IFT74: variants seen among roughly 807,000 people sequenced by gnomAD.
The protein encoded by IFT74 is intraflagellar transport protein 74 homolog.
Under a neutral mutation model 96.7 loss-of-function variants are expected in IFT74, and 92 were observed. The observed-to-expected ratio is 0.95, with a 90% confidence interval of 0.80 to 1.13. The LOEUF is 1.13. Ranked by LOEUF, IFT74 falls within the 50% of genes most tolerant of loss-of-function variation. The pLI is 0.00. For missense variants in IFT74, 811 were observed against 698.2 expected (o/e 1.16, Z -1.82); for synonymous variants, 223 against 213.2 (o/e 1.05, Z -0.40).
chr9:27,053,232 T>C (rs1030305137), intron 16 of IFT74, among the ~76,000 whole-genome samples: 1 of 144,644 alleles, frequency 6.9e-6, no homozygotes, highest in African/African-American at 2.6e-5. Flanking sequence ...AAAACTTAGA[T>C]ATTATAATGG....
chr9:27,063,861 G>A lies in IFT74; in HGVS notation c.*1125G>A, dbSNP rs1820528901. Among the ~76,000 whole-genome samples the A allele has an allele frequency of 6.6e-6, 1 of 151,938 alleles. No individual in the cohort carries two copies. Among genetic ancestry groups the A allele is most frequent in the African/African-American group, 2.4e-5 (1 of 41,400 alleles). The stretch of plus-strand genomic sequence containing the variant: ...AGCATTGTTGAGTTTGCTGAACTCT[G>A]GATTACTAATATGGCTGAAGATCCT... On this transcript the variant is annotated 3_prime_UTR_variant, in exon 20 of 20. Coordinates refer to ENST00000380062, the MANE Select transcript of IFT74 (RefSeq NM_025103.4).
intron 12 of IFT74, among the ~76,000 whole-genome samples, chr9:27,020,308 C>T (rs1303612265): frequency 1.3e-5 from 2 of 152,036 alleles, no homozygotes; most frequent in Non-Finnish European, 2.9e-5. Context: ...TGAATTGCAG[C>T]CCGTGTCAAG....
At chr9:27,003,464 A>C (rs1160603401) in intron 8 of IFT74, among the ~76,000 whole-genome samples, 1 of 152,114 alleles carries the variant, frequency 6.6e-6, no homozygotes, top group Non-Finnish European at 1.5e-5. Context: ...CAGAAGTTGC[A>C]GTGAGCCGTG....
At chr9:27,019,410 C>T (rs1829495945) in intron 12 of IFT74, among the ~76,000 whole-genome samples, 1 of 151,974 alleles carries the variant, frequency 6.6e-6, no homozygotes, top group Non-Finnish European at 1.5e-5. Context: ...TGTCAGGATG[C>T]TTTCACTTAG....
chr9:26,987,756 T>C (rs1827698900), intron 6 of IFT74, among the ~76,000 whole-genome samples: 2 of 152,216 alleles, frequency 1.3e-5, no homozygotes, highest in Non-Finnish European at 2.9e-5. Context: ...ATTGTAAAAA[T>C]TGAGTTAACA....
chr9:27,002,186 C>A (rs1173113871), intron 8 of IFT74, among the ~76,000 whole-genome samples: 2 of 152,154 alleles, frequency 1.3e-5, no homozygotes, highest in Admixed American at 6.5e-5. Context: ...GGCTGGAGTG[C>A]AGTGATGCCA....
intron 1 of IFT74, among the ~76,000 whole-genome samples, chr9:26,959,139 C>T (rs10967622): frequency 0.1 from 15,487 of 151,308 alleles, 1,800 homozygotes; most frequent in East Asian, 0.65. Flanking sequence ...GACGGAGTCT[C>T]GCTCTGTCGC....
intron 13 of IFT74, among the ~76,000 whole-genome samples, chr9:27,041,543 C>A (rs1055171609): frequency 5.3e-5 from 8 of 152,084 alleles, no homozygotes; most frequent in African/African-American, 1.7e-4. Context: ...TCCAAAATTA[C>A]CTTCCTTTTA....
Position 27,026,899 on chromosome 9 carries a change from G to A in IFT74, c.975-2126G>A, listed in dbSNP as rs192443422. 1.9e-4 allele frequency among the ~76,000 whole-genome samples: 29 copies of A among 152,022 alleles called. No homozygotes were observed. In the East Asian group the frequency reaches 4.8e-3, roughly 25 times the overall value. ...AAAGAACACAAATAGACAATCTAAC[G>A]TTACACCTCAAGGAACTAGAGCAAC... On this transcript the variant is annotated intron_variant, in intron 12 of 19. Coordinates refer to ENST00000380062, the MANE Select transcript of IFT74 (RefSeq NM_025103.4).
chr9:26,955,765 G>T (rs530394805), upstream of IFT74: 2 of 149,712 alleles, frequency 1.3e-5, no homozygotes, highest in East Asian at 4.1e-4. Flanking sequence ...TATCAATGAA[G>T]ATTGGAAGGA....
intron 2 of IFT74, among the ~76,000 whole-genome samples, chr9:26,963,771 C>T (rs550358278): frequency 2.6e-5 from 4 of 152,262 alleles, no homozygotes; most frequent in South Asian, 2.1e-4. Flanking sequence ...TGGGAAGTGT[C>T]GGTTGATGTC....
At chr9:26,960,436 A>G (rs767199574) in intron 1 of IFT74, among the ~76,000 whole-genome samples, 1 of 152,232 alleles carries the variant, frequency 6.6e-6, no homozygotes, top group African/African-American at 2.4e-5. Flanking sequence ...AATATAGCTG[A>G]AACAAAAATT....
At chr9:27,021,360 C>T (rs1046429159) in intron 12 of IFT74, among the ~76,000 whole-genome samples, 2 of 152,028 alleles carry the variant, frequency 1.3e-5, no homozygotes, top group Non-Finnish European at 1.5e-5. Flanking sequence ...GTAGTGGGAT[C>T]GCTAGATCAA....
At chr9:26,966,198 G>A (rs1826604749) in intron 2 of IFT74, among the ~76,000 whole-genome samples, 1 of 151,870 alleles carries the variant, frequency 6.6e-6, no homozygotes, top group African/African-American at 2.4e-5. Flanking sequence ...TTTGCAGTGG[G>A]ATTGCTGGAT....
chr9:27,000,519 G>A (rs1032530774), intron 8 of IFT74, among the ~76,000 whole-genome samples: 3 of 152,112 alleles, frequency 2.0e-5, no homozygotes, highest in Admixed American at 6.6e-5. Flanking sequence ...TTGAGGCGTG[G>A]TAGATATACA....
chr9:27,000,260 A>T (rs1184240226), intron 8 of IFT74, among the ~76,000 whole-genome samples: 1 of 152,194 alleles, frequency 6.6e-6, no homozygotes, highest in Non-Finnish European at 1.5e-5. Flanking sequence ...TCTAGATCTC[A>T]TGAAAGGAGC....
In IFT74 at chr9:27,056,358, T is replaced by C. The variant is rs1158185973; in HGVS notation, c.1522T>C (p.Leu508=). 8.8e-6 allele frequency: 14 copies of C among 1,589,536 alleles called. No individual in the cohort carries two copies. Among genetic ancestry groups the C allele is most frequent in the East Asian group, 2.3e-5 (1 of 44,210 alleles). ...GAAATTACATCAGGAGAGAATGATA[T>C]TATCAACCCACAGAAATGCCTTTAA... ...IKKLHQERMI[L]STHRNAFKKI... Residue 508 remains leucine (L), a synonymous_variant, in exon 18 of 20, where the codon TTA becomes CTA. Coordinates refer to ENST00000380062, the MANE Select transcript of IFT74 (RefSeq NM_025103.4).
chr9:26,988,839 T>C, intron 7 of IFT74, 111 bp downstream of exon 7: 1 of 961,734 alleles, frequency 1.0e-6, no homozygotes, highest in Non-Finnish European at 1.4e-6. Context: ...GAGGTGAATA[T>C]TACTCTGATT....
intron 13 of IFT74, chr9:27,036,612 C>T (rs1819210070): frequency 1.3e-6 from 2 of 1,535,562 alleles, no homozygotes; most frequent in Non-Finnish European, 1.7e-6. Flanking sequence ...CTCTCTCTAG[C>T]ACCCACTGTT....
Sources: gnomAD v4.1 joint callset for allele counts (sites outside exome capture counted in the v4.1 genomes callset) on GRCh38, gnomAD v4.1.1 for gene constraint, MANE v1.5 for transcripts, NCBI Gene and HGNC (gene_info 2026-07-23, HGNC 2026-07-21) for gene names.